Variants in RBFOX1 observed in about 807,000 individuals in gnomAD.
RBFOX1 encodes RNA binding fox-1 homolog 1.
A neutral mutation model predicts 57.7 loss-of-function variants in RBFOX1; 8 were observed. The ratio of observed to expected loss-of-function variants is 0.14; its 90% CI spans 0.08 to 0.25. The LOEUF (loss-of-function observed/expected upper bound fraction) is 0.25, where lower values mean the gene tolerates loss of function less well. Ranked by LOEUF, RBFOX1 falls within the 10% of genes least tolerant of loss-of-function variation. The pLI is 1.00. For synonymous variants in RBFOX1, 326 were observed against 222.4 expected, an observed-to-expected ratio of 1.47 and a Z score of -4.15; for missense variants, 611 against 548.5, an observed-to-expected ratio of 1.11 and a Z score of -1.14.
intron 3 of RBFOX1, among the ~76,000 whole-genome samples, chr16:5,776,140 A>G (rs1597206678): frequency 1.3e-5 from 2 of 152,246 alleles, no homozygotes; most frequent in South Asian, 2.1e-4. Flanking sequence ...TGGCATTACA[A>G]CGTTCTTGGA....
chr16:6,582,576 A>G (rs886133612), intron 2 of RBFOX1, among the ~76,000 whole-genome samples: 1 of 151,910 alleles, frequency 6.6e-6, no homozygotes, highest in African/African-American at 2.4e-5. Context: ...TCCTCAATGA[A>G]AGGTTAAATT....
At chr16:6,318,497 G>A (rs2081374165) in intron 2 of RBFOX1, among the ~76,000 whole-genome samples, 1 of 152,100 alleles carries the variant, frequency 6.6e-6, no homozygotes, top group Admixed American at 6.6e-5. Context: ...GGGCAGGGAG[G>A]GGAGGGATGG....
rs1216533315 is a variant in RBFOX1 at position 7,113,366 on chromosome 16, C to T, written c.27+61268C>T. ...GAAAAACACTGTTTTTAAGTCTTTC[C>T]GCAGTAAAGATTCTTACAAAGCAAA... On this transcript the variant is annotated intron_variant, in intron 4 of 15. Transcript: ENST00000550418. Among the ~76,000 whole-genome samples, 10 of 152,170 alleles carry T rather than the reference C, an allele frequency of 6.6e-5. No individual in the cohort carries two copies. In the East Asian group the frequency reaches 1.2e-3, roughly 18 times the overall value.
chr16:7,102,815 T>A (rs1279027956), intron 4 of RBFOX1, among the ~76,000 whole-genome samples: 1 of 152,140 alleles, frequency 6.6e-6, no homozygotes, highest in African/African-American at 2.4e-5. Context: ...CAACCAGCAA[T>A]TTTTTTGAGA....
chr16:6,297,022 G>T (rs1374596272), intron 1 of RBFOX1, among the ~76,000 whole-genome samples: 3 of 152,180 alleles, frequency 2.0e-5, no homozygotes, highest in African/African-American at 7.2e-5. Flanking sequence ...TAAACAAGGG[G>T]TGGGTTATTC....
At chr16:7,119,487 C>G (rs778167570) in intron 4 of RBFOX1, among the ~76,000 whole-genome samples, 1 of 151,960 alleles carries the variant, frequency 6.6e-6, no homozygotes, top group African/African-American at 2.4e-5. Flanking sequence ...GGGGGGAGTT[C>G]CATTTCGAGT....
chr16:6,709,004 C>G (rs1400966757), intron 3 of RBFOX1, among the ~76,000 whole-genome samples: 1 of 151,260 alleles, frequency 6.6e-6, no homozygotes, highest in Admixed American at 6.6e-5. Context: ...CATTTTTATT[C>G]CCTGACTGTG....
At chr16:5,423,079 G>T (rs1361136585) in intron 1 of RBFOX1, among the ~76,000 whole-genome samples, 2 of 129,952 alleles carry the variant, frequency 1.5e-5, no homozygotes, top group Admixed American at 1.5e-4. Context: ...GAGGAGGAAG[G>T]AGAGGGAGGA....
chr16:6,320,567 T>C (rs1318685915), intron 2 of RBFOX1, among the ~76,000 whole-genome samples: 1 of 152,156 alleles, frequency 6.6e-6, no homozygotes, highest in African/African-American at 2.4e-5. Flanking sequence ...TACATATACC[T>C]TGTGAAATGA....
At chr16:6,687,493 C>T (rs72764914) in intron 3 of RBFOX1, among the ~76,000 whole-genome samples, 2 of 152,240 alleles carry the variant, frequency 1.3e-5, no homozygotes, top group Admixed American at 6.5e-5. Flanking sequence ...GTGGTGATCT[C>T]TGCTAGTCAG....
intron 3 of RBFOX1, among the ~76,000 whole-genome samples, chr16:6,932,352 C>A (rs1010002826): frequency 6.6e-6 from 1 of 152,180 alleles, no homozygotes; most frequent in East Asian, 1.9e-4. Flanking sequence ...GGTGATCCAC[C>A]TGCCTCAGGC....
chr16:5,466,348 G>A (rs2068952982), intron 1 of RBFOX1, among the ~76,000 whole-genome samples: 1 of 152,138 alleles, frequency 6.6e-6, no homozygotes, highest in Non-Finnish European at 1.5e-5. Flanking sequence ...AGGGGAGCAT[G>A]TGTGGGGTTT....
chr16:7,460,655 C>G (rs907030856), intron 4 of RBFOX1, among the ~76,000 whole-genome samples: 28 of 151,480 alleles, frequency 1.8e-4, no homozygotes, highest in Non-Finnish European at 2.9e-5. Flanking sequence ...ATCTGCACAA[C>G]AAACCACCAT....
chr16:6,346,677 T>C (rs745442265), intron 2 of RBFOX1, among the ~76,000 whole-genome samples: 2 of 152,226 alleles, frequency 1.3e-5, no homozygotes, highest in Non-Finnish European at 2.9e-5. Context: ...AATTTGTCTA[T>C]AGTTTTTTTA....
chr16:6,820,357 G>C (rs1251418038), intron 3 of RBFOX1, among the ~76,000 whole-genome samples: 1 of 152,110 alleles, frequency 6.6e-6, no homozygotes, highest in East Asian at 1.9e-4. Context: ...GGATAGATAG[G>C]ATTGTTCAGG....
chr16:6,509,238 A>T (rs1273185081), intron 2 of RBFOX1, among the ~76,000 whole-genome samples: 1 of 152,142 alleles, frequency 6.6e-6, no homozygotes, highest in Admixed American at 6.6e-5. Flanking sequence ...AAAATGGAGG[A>T]ATTTTTTTCC....
chr16:6,029,862 A>G (rs542599415), intron 1 of RBFOX1, among the ~76,000 whole-genome samples: 1 of 152,066 alleles, frequency 6.6e-6, no homozygotes, highest in East Asian at 1.9e-4. Context: ...AGAACCCAGC[A>G]GGACAAGCGA....
chr16:6,797,965 C>T (rs568741593), intron 3 of RBFOX1, among the ~76,000 whole-genome samples: 2 of 151,600 alleles, frequency 1.3e-5, no homozygotes, highest in East Asian at 1.9e-4. Flanking sequence ...ATGGTGATCA[C>T]GGTGATGGTG....
intron 3 of RBFOX1, among the ~76,000 whole-genome samples, chr16:5,792,140 C>T (rs2054723415): frequency 6.6e-6 from 1 of 152,158 alleles, no homozygotes; most frequent in African/African-American, 2.4e-5. Flanking sequence ...AAGCCCGGGA[C>T]CCCAGTCTAA....
Sources: allele counts gnomAD v4.1 joint callset (sites outside exome capture counted in the v4.1 genomes callset), GRCh38; gene constraint gnomAD v4.1.1; transcripts MANE v1.5; gene names NCBI Gene and HGNC (gene_info 2026-07-23, HGNC 2026-07-21).